RND1: variants seen among roughly 807,000 people sequenced by gnomAD.
The protein encoded by RND1 is Rho family GTPase 1.
RND1 carries 9 observed loss-of-function variants against 27.1 expected under a neutral mutation model. The observed-to-expected ratio is 0.33, with a 90% confidence interval of 0.20 to 0.58. RND1 has a LOEUF of 0.58. Ranked by LOEUF, RND1 falls within the 20% of genes least tolerant of loss-of-function variation. The pLI, the probability that RND1 is intolerant of heterozygous loss-of-function variation, is 0.86. For missense variants in RND1, 253 were observed against 292.2 expected (o/e 0.87, Z 0.98); for synonymous variants, 108 against 115.7 (o/e 0.93, Z 0.43).
intron 4 of RND1, chr12:48,858,463 A>C: frequency 2.0e-6 from 1 of 506,472 alleles, no homozygotes; most frequent in Non-Finnish European, 3.4e-6. Flanking sequence ...CTGACTGCAC[A>C]TTATAAATCA....
intron 4 of RND1, 85 bp from the exon 5 acceptor site, chr12:48,858,326 C>G (rs1224846919): frequency 1.4e-6 from 2 of 1,453,686 alleles, no homozygotes; most frequent in African/African-American, 2.8e-5. Flanking sequence ...CAGGGCCACT[C>G]CAGAGGGGAC....
Position 48,857,938 on chromosome 12 carries a change from G to C in RND1, c.*58C>G. On this transcript the variant is annotated 3_prime_UTR_variant, in exon 5 of 5. Coordinates refer to ENST00000309739, the MANE Select transcript of RND1 (RefSeq NM_014470.4). Reference sequence around the variant, plus strand: ...AAATTGTCTCATCCTCCCTCTCCCCGTGCCTCTGCACCCCAAGGGAGGAAG... The same window carrying C: ...AAATTGTCTCATCCTCCCTCTCCCCCTGCCTCTGCACCCCAAGGGAGGAAG... 1 of 1,529,732 alleles carries C rather than the reference G, an allele frequency of 6.5e-7. No individual in the cohort carries two copies. Among genetic ancestry groups the C allele is most frequent in the Non-Finnish European group, 8.8e-7 (1 of 1,139,852 alleles). The allele number at this position is 1,529,732 out of a possible 1,614,324, so 94.8% of individuals were successfully genotyped here. A position where few individuals can be genotyped will look rare whatever the true frequency, so the allele number is the denominator to read the frequency against.
intron 1 of RND1, among the ~76,000 whole-genome samples, chr12:48,865,169 A>T (rs1938970916): frequency 6.6e-6 from 1 of 152,110 alleles, no homozygotes; most frequent in Admixed American, 6.6e-5. Flanking sequence ...TGTGTTTCCC[A>T]ATTTGAGAGA....
At chr12:48,861,857 A>C in intron 3 of RND1, 152 bp downstream of exon 3, 1 of 649,924 alleles carries the variant, frequency 1.5e-6, no homozygotes, top group South Asian at 1.7e-5. Flanking sequence ...TTCCAGTCCC[A>C]GAGCTGTAGC....
Position 48,861,006 on chromosome 12 carries a change from G to A in RND1, c.444C>T (p.Ser148=). 6.2e-7 allele frequency: 1 copy of A among 1,613,508 alleles called. No individual in the cohort carries two copies. Among genetic ancestry groups the A allele is most frequent in the South Asian group, 1.1e-5 (1 of 91,054 alleles). ...ELSHQKQAPI[S]YEQGCAIAKQ... ...TTGCATGCGCACACACCTGCTCATA[G>A]GAGATGGGCGCCTGCTTCTGGTGGG... The change falls in exon 4 of 5, where the codon TCC becomes TCT. Residue 148 remains serine, a synonymous_variant. Transcript: ENST00000309739.
chr12:48,858,447 C>T (rs1414115818), intron 4 of RND1: 12 of 535,918 alleles, frequency 2.2e-5, no homozygotes, highest in African/African-American at 4.0e-5. Flanking sequence ...TTTCTTAAGA[C>T]GATGCCTGAC....
chr12:48,863,144 C>T (rs1285393355), intron 2 of RND1, among the ~76,000 whole-genome samples: 1 of 152,122 alleles, frequency 6.6e-6, no homozygotes, highest in Admixed American at 6.6e-5. Flanking sequence ...TCCATTTTGG[C>T]TCCAAGCAAT....
chr12:48,863,359 C>T (rs1260280392), intron 2 of RND1, among the ~76,000 whole-genome samples: 1 of 151,890 alleles, frequency 6.6e-6, no homozygotes, highest in South Asian at 2.1e-4. Flanking sequence ...AGAGACTACA[C>T]TTGCTGATTT....
chr12:48,865,814 T>C lies in RND1; in HGVS notation c.-47A>G. On this transcript the variant is annotated 5_prime_UTR_variant, in exon 1 of 5. Coordinates refer to ENST00000309739, the MANE Select transcript of RND1 (RefSeq NM_014470.4). Reference sequence around the variant, plus strand: ...TGAACTTCGATTCAGAAGGGAGGGTTGCGCCAGGTGCGTCTCAGCACGCCA... The same window carrying C: ...TGAACTTCGATTCAGAAGGGAGGGTCGCGCCAGGTGCGTCTCAGCACGCCA... 1 of 1,540,906 alleles carries C rather than the reference T, an allele frequency of 6.5e-7. No homozygotes were observed. The highest frequency in any genetic ancestry group is 8.8e-7 in the Non-Finnish European group (1 of 1,137,504).
chr12:48,865,416 T>C (rs1391196806), intron 1 of RND1: 3 of 553,250 alleles, frequency 5.4e-6, no homozygotes, highest in Non-Finnish European at 9.8e-6. Context: ...ATGGGTCCTC[T>C]GGGTGAAGAG....
At chr12:48,863,267 C>T (rs1026491181) in intron 2 of RND1, among the ~76,000 whole-genome samples, 1 of 152,176 alleles carries the variant, frequency 6.6e-6, no homozygotes. Flanking sequence ...TTATGGGAAC[C>T]TAATCTGAAA....
In RND1 at chr12:48,858,156, A is replaced by G; in HGVS notation, c.539T>C (p.Phe180Ser). The part of the protein sequence containing the change: ...FTSEKSIHSI[F>S]RTASMLCLNK... Reference sequence around the variant, plus strand: ...CAGACACAGCATGGATGCCGTCCGAAAGATGCTGTGGATGCTCTTTTCTGA... The same window carrying G: ...CAGACACAGCATGGATGCCGTCCGAGAGATGCTGTGGATGCTCTTTTCTGA... Residue 180 changes from phenylalanine (F) to serine (S), a missense_variant, in exon 5 of 5, where the codon TTT (phenylalanine) becomes TCT (serine). By Grantham distance (155) the Phe-to-Ser change is radical. Coordinates refer to ENST00000309739, the MANE Select transcript of RND1 (RefSeq NM_014470.4). 1 of 1,614,108 alleles carries G rather than the reference A, an allele frequency of 6.2e-7. No homozygotes were observed. The highest frequency in any genetic ancestry group is 8.5e-7 in the Non-Finnish European group (1 of 1,180,006).
intron 2 of RND1, among the ~76,000 whole-genome samples, chr12:48,863,020 G>T (rs1938937393): frequency 6.6e-6 from 1 of 152,046 alleles, no homozygotes; most frequent in Non-Finnish European, 1.5e-5. Flanking sequence ...AGTTGGGATA[G>T]CTGCCTGCTC....
intron 4 of RND1, among the ~76,000 whole-genome samples, chr12:48,859,561 A>C (rs897333923): frequency 4.6e-5 from 7 of 151,956 alleles, no homozygotes; most frequent in African/African-American, 1.7e-4. Context: ...GCTCTCATGC[A>C]CATAAGAAAT....
Position 48,858,386 on chromosome 12 carries a change from TTTC to T in RND1, c.454-148_454-146del, listed in dbSNP as rs955489107. 8.9e-5 allele frequency: 77 copies of T among 869,902 alleles called. 1 individual carries two copies. In the African/African-American group the frequency reaches 1.1e-3, roughly 12 times the overall value. The allele number at this position is 869,902 out of a possible 1,614,324, so 53.9% of individuals were successfully genotyped here. On this transcript the variant is annotated intron_variant, in intron 4 of 4. Coordinates refer to ENST00000309739, the MANE Select transcript of RND1 (RefSeq NM_014470.4). ...CCCTCTGCAGATTATTCGATTATCTTTTCTTTTTTTTTTTTTTTTTTGGCATAC... is the reference window on the plus strand; with the variant it reads ...CCCTCTGCAGATTATTCGATTATCTTTTTTTTTTTTTTTTTTTTGGCATAC...
intron 1 of RND1, chr12:48,865,343 A>G (rs1938972312): frequency 4.6e-6 from 2 of 437,814 alleles, no homozygotes; most frequent in African/African-American, 2.0e-5. Flanking sequence ...CAGACTTTCA[A>G]ATGCCTCCAG....
chr12:48,859,314 G>A (rs568124781), intron 4 of RND1: 1 of 152,158 alleles, frequency 6.6e-6, no homozygotes, highest in Non-Finnish European at 1.5e-5. Context: ...CAAGGCAGGT[G>A]GATCACCTGA....
intron 4 of RND1, chr12:48,858,760 A>G (rs1448148260): frequency 6.6e-6 from 1 of 152,642 alleles, no homozygotes; most frequent in Non-Finnish European, 1.5e-5. Flanking sequence ...GTGGGCACAC[A>G]ACTATAGTCT....
rs1010435340 is a variant in RND1, at chr12:48,857,214, T to C, written c.*782A>G. On this transcript the variant is annotated 3_prime_UTR_variant, in exon 5 of 5. Transcript: ENST00000309739. ...CATTAAACACAGAACATATAACAGATTGAAACACTCCCCCCCTCCCCCCAA... is the reference window on the plus strand; with the variant it reads ...CATTAAACACAGAACATATAACAGACTGAAACACTCCCCCCCTCCCCCCAA... 3.9e-5 allele frequency: 6 copies of C among 152,188 alleles called. No individual in the cohort carries two copies. Among genetic ancestry groups the C allele is most frequent in the Admixed American group, 3.3e-4 (5 of 15,240 alleles). The allele number at this position is 152,188 out of a possible 1,614,324, so 9.4% of individuals were successfully genotyped here.
Sources: allele counts gnomAD v4.1 joint callset (sites outside exome capture counted in the v4.1 genomes callset), GRCh38; gene constraint gnomAD v4.1.1; transcripts MANE v1.5; gene names NCBI Gene and HGNC (gene_info 2026-07-23, HGNC 2026-07-21).